The following SEL1L3 variants were observed in gnomAD, a reference collection of about 807,000 sequenced individuals.
SEL1L3 encodes the protein protein sel-1 homolog 3.
In SEL1L3, 76 loss-of-function variants were observed where a neutral mutation model predicts 142.8. The observed-to-expected ratio is 0.53, with a 90% CI of 0.44 to 0.64. SEL1L3 has a LOEUF of 0.64. Ranked by LOEUF, SEL1L3 falls within the 30% of genes least tolerant of loss-of-function variation. SEL1L3 has a pLI of 0.00. For synonymous variants in SEL1L3, 504 were observed against 519.6 expected (o/e 0.97, Z 0.41); for missense variants, 1,262 against 1,381.7 (o/e 0.91, Z 1.37).
chr4:25,723,664 G>C, the SEL1L3 span, among the ~76,000 whole-genome samples: 1 of 152,118 alleles, frequency 6.6e-6, no homozygotes, highest in South Asian at 2.1e-4. Flanking sequence ...TCCCTTCCCA[G>C]AAGAGGGTTT....
chr4:25,863,409 T>C (rs769875331), upstream of SEL1L3: 1 of 698,148 alleles, frequency 1.4e-6, no homozygotes. Context: ...CTTCCTCGCT[T>C]CCGCATTCTT....
At chr4:25,724,752 A>G in the SEL1L3 span, among the ~76,000 whole-genome samples, 25 of 106,310 alleles carry the variant, frequency 2.4e-4, 1 homozygote, top group African/African-American at 5.8e-4. Context: ...AAAAAAAAAA[A>G]AAAAAAAAAA....
intron 10 of SEL1L3, among the ~76,000 whole-genome samples, chr4:25,802,824 A>G (rs193087178): frequency 4.6e-5 from 7 of 151,980 alleles, no homozygotes; most frequent in African/African-American, 1.4e-4. Flanking sequence ...CTCATGATCT[A>G]CCCGCCTCGG....
chr4:25,847,190 T>C, intron 2 of SEL1L3, 104 bp downstream of exon 2: 2 of 908,106 alleles, frequency 2.2e-6, no homozygotes, highest in South Asian at 1.7e-5. Flanking sequence ...CCATCTTCCC[T>C]GTATCCCCCT....
At chr4:25,766,951 G>T (rs1278497504) in intron 19 of SEL1L3, among the ~76,000 whole-genome samples, 4 of 152,182 alleles carry the variant, frequency 2.6e-5, no homozygotes, top group African/African-American at 9.6e-5. Flanking sequence ...CTGGCCCAGA[G>T]AATTGCTCCA....
intron 9 of SEL1L3, among the ~76,000 whole-genome samples, chr4:25,809,705 A>G (rs1315551502): frequency 6.6e-6 from 1 of 151,954 alleles, no homozygotes; most frequent in South Asian, 2.1e-4. Flanking sequence ...AGAAAAGCAT[A>G]GCCCATTGTT....
chr4:25,835,096 A>T, intron 3 of SEL1L3, 101 bp downstream of exon 3: 1 of 1,427,840 alleles, frequency 7.0e-7, no homozygotes, highest in Non-Finnish European at 9.5e-7. Flanking sequence ...ACACCTTACC[A>T]AGAAGGTGTG....
intron 17 of SEL1L3, among the ~76,000 whole-genome samples, chr4:25,768,640 G>A (rs984305383): frequency 6.6e-6 from 1 of 152,118 alleles, no homozygotes; most frequent in African/African-American, 2.4e-5. Context: ...CGGAGTTCAT[G>A]GTAGAGCTGT....
chr4:25,726,969 T>C, the SEL1L3 span, among the ~76,000 whole-genome samples: 1 of 116,886 alleles, frequency 8.6e-6, no homozygotes. Context: ...TGCAGACAGA[T>C]CTTTCTCTCT....
downstream of SEL1L3, among the ~76,000 whole-genome samples, chr4:25,744,174 G>C (rs1053313614): frequency 1.5e-4 from 23 of 152,076 alleles, no homozygotes; most frequent in African/African-American, 5.6e-4. Flanking sequence ...CTGGACCAGA[G>C]CCAGCCTCCC....
rs748192739 is a variant in SEL1L3, at chr4:25,819,826, C to T, written c.1405G>A (p.Gly469Ser). Residue 469 changes from glycine (G) to serine (S), a missense_variant, in exon 8 of 24, where the codon GGC becomes AGC. Coordinates refer to ENST00000399878, the MANE Select transcript of SEL1L3 (RefSeq NM_015187.5). ...SVYASAAKHG[G>S]ERQEACHLHN... ...CACTTACATGCTTCTTGTCTCTCGCCCCCGTGCTTTGCTGCAGATGCATAC... is the reference window on the plus strand; with the variant it reads ...CACTTACATGCTTCTTGTCTCTCGCTCCCGTGCTTTGCTGCAGATGCATAC... 3 of 1,612,056 alleles carry T rather than the reference C, an allele frequency of 1.9e-6. No homozygotes were observed. Among genetic ancestry groups the T allele is most frequent in the African/African-American group, 2.7e-5 (2 of 74,826 alleles).
intron 2 of SEL1L3, among the ~76,000 whole-genome samples, chr4:25,836,661 G>A (rs1013800681): frequency 6.6e-6 from 1 of 151,974 alleles, no homozygotes; most frequent in South Asian, 2.1e-4. Flanking sequence ...CAAAAAAAAG[G>A]GATACTTTTC....
chr4:25,769,384 C>T (rs1718992866), intron 17 of SEL1L3, among the ~76,000 whole-genome samples: 1 of 152,178 alleles, frequency 6.6e-6, no homozygotes, highest in African/African-American at 2.4e-5. Flanking sequence ...ATACCTAAGG[C>T]AGCTGACCAA....
At chr4:25,809,771 A>T (rs73115735) in intron 9 of SEL1L3, among the ~76,000 whole-genome samples, 2,627 of 152,204 alleles carry the variant, frequency 0.017, 80 homozygotes, top group African/African-American at 0.061. Flanking sequence ...ATGCTTTTTT[A>T]AAAAAGGTAA....
intron 20 of SEL1L3, among the ~76,000 whole-genome samples, chr4:25,763,127 A>G (rs1335086080): frequency 6.6e-6 from 1 of 152,220 alleles, no homozygotes; most frequent in Non-Finnish European, 1.5e-5. Flanking sequence ...TTTTCTTGAA[A>G]AAATTATCCT....
chr4:25,770,109 T>C (rs190813182), intron 17 of SEL1L3, among the ~76,000 whole-genome samples: 1 of 152,132 alleles, frequency 6.6e-6, no homozygotes, highest in East Asian at 1.9e-4. Flanking sequence ...GCCTGGGCGA[T>C]AGAGCCAGAT....
intron 1 of SEL1L3, among the ~76,000 whole-genome samples, chr4:25,856,593 T>TAAAAAAAAAAAAAAAA (rs397765802): frequency 8.5e-6 from 1 of 117,122 alleles, no homozygotes; most frequent in African/African-American, 2.7e-5. Flanking sequence ...GTATTGTAAT[T>TAAAAAAAAAAAAAAAA]AAAAAAAAAA....
At chr4:25,858,745 C>A (rs909013959) in intron 1 of SEL1L3, among the ~76,000 whole-genome samples, 106 of 152,062 alleles carry the variant, frequency 7.0e-4, no homozygotes, top group African/African-American at 2.5e-3. Context: ...GCCACCACAC[C>A]CAGCTAATTT....
chr4:25,756,464 G>T (rs1197259486), intron 23 of SEL1L3: 12 of 985,026 alleles, frequency 1.2e-5, no homozygotes, highest in Non-Finnish European at 1.3e-5. Context: ...CGTCATTTTG[G>T]TAAGTATCTT....
Sources: gnomAD v4.1 joint callset for allele counts (sites outside exome capture counted in the v4.1 genomes callset) on GRCh38, gnomAD v4.1.1 for gene constraint, MANE v1.5 for transcripts, NCBI Gene and HGNC (gene_info 2026-07-23, HGNC 2026-07-21) for gene names.